Variants in ANKDD1A observed in about 807,000 individuals in gnomAD.
ANKDD1A encodes the protein ankyrin repeat and death domain-containing protein 1A.
In ANKDD1A, 59 loss-of-function variants were observed where a neutral mutation model predicts 63.5. That is an observed-to-expected ratio of 0.93 (90% CI 0.75 to 1.15). The LOEUF is 1.15. Among genes scored for constraint, ANKDD1A ranks in the 50% most tolerant of loss-of-function variants. The probability of loss-of-function intolerance (pLI) is 0.00; values close to 1 mark genes in which losing one functional copy is unlikely to be tolerated. For synonymous variants in ANKDD1A, 266 were observed against 263.9 expected (o/e 1.01, Z -0.08); for missense variants, 632 against 656.4 (o/e 0.96, Z 0.41).
chr15:64,953,538 C>CCTTCTTCCTTCTTCTTT (rs2085345128), intron 14 of ANKDD1A, among the ~76,000 whole-genome samples: 2 of 124,590 alleles, frequency 1.6e-5, no homozygotes, highest in Admixed American at 8.8e-5. Context: ...CTTCTCCTCT[C>CCTTCTTCCTTCTTCTTT]CTTCTTCCTT....
At chr15:64,954,258 T>C (rs1162473189) in intron 14 of ANKDD1A, among the ~76,000 whole-genome samples, 3 of 150,772 alleles carry the variant, frequency 2.0e-5, no homozygotes, top group Non-Finnish European at 3.0e-5. Context: ...TCTTTCTTCT[T>C]CTCCTTCTTT....
intron 1 of ANKDD1A, among the ~76,000 whole-genome samples, chr15:64,914,801 C>T (rs950983889): frequency 1.4e-5 from 2 of 139,642 alleles, no homozygotes; most frequent in African/African-American, 2.7e-5. Context: ...GTCCTCCTGG[C>T]TCAGAGACTA....
At chr15:64,921,845 C>A in intron 3 of ANKDD1A, 76 bp from the exon 4 acceptor site, 1 of 1,290,062 alleles carries the variant, frequency 7.8e-7, no homozygotes, top group South Asian at 1.2e-5. Context: ...ATGGTTTAGT[C>A]ATAAGGCACA....
intron 14 of ANKDD1A, among the ~76,000 whole-genome samples, chr15:64,953,930 TTTCTTTTC>T (rs1566749562): frequency 5.9e-4 from 4 of 6,782 alleles, no homozygotes; most frequent in Non-Finnish European, 1.7e-3. Flanking sequence ...CTTTTTCTTT[TTTCTTTTC>T]TTCCTCTTCT....
At chr15:64,941,399 C>G (rs1220450093) in intron 9 of ANKDD1A, among the ~76,000 whole-genome samples, 1 of 152,162 alleles carries the variant, frequency 6.6e-6, no homozygotes, top group Non-Finnish European at 1.5e-5. Context: ...AGTCCTAGAG[C>G]ATGGTACCAG....
intron 13 of ANKDD1A, among the ~76,000 whole-genome samples, chr15:64,948,102 TA>T (rs1173859467): frequency 6.6e-6 from 1 of 151,960 alleles, no homozygotes; most frequent in Non-Finnish European, 1.5e-5. Flanking sequence ...ATATAGAAAA[TA>T]TACTAACACC....
chr15:64,943,497 C>T lies in ANKDD1A; in HGVS notation c.980C>T (p.Pro327Leu). 1 of 1,614,134 alleles carries T rather than the reference C, an allele frequency of 6.2e-7. No individual in the cohort carries two copies. Among genetic ancestry groups the T allele is most frequent in the Admixed American group, 1.7e-5 (1 of 60,010 alleles). The change falls in exon 11 of 15, where the codon CCC becomes CTC. Residue 327 changes from proline (P) to leucine (L), a missense_variant. Physicochemically the swap from Pro to Leu is moderately conservative, Grantham distance 98. Coordinates refer to ENST00000319580, the MANE Select transcript of ANKDD1A (RefSeq NM_182703.6). Reference sequence around the variant, plus strand: ...CTTCTCCCCTAGAGGCAGCAGACGCCCCTTCACCTGGCTGCAGAGCACGCC... The same window carrying T: ...CTTCTCCCCTAGAGGCAGCAGACGCTCCTTCACCTGGCTGCAGAGCACGCC... ...VNAVDNRQQT[P>L]LHLAAEHAWQ... is the part of the protein sequence containing the mutation.
chr15:64,935,395 G>T (rs2140374607), intron 9 of ANKDD1A, among the ~76,000 whole-genome samples: 1 of 151,830 alleles, frequency 6.6e-6, no homozygotes, highest in South Asian at 2.1e-4. Flanking sequence ...GCCAGGTGTG[G>T]CCGGGTACAG....
intron 3 of ANKDD1A, among the ~76,000 whole-genome samples, chr15:64,918,106 G>A (rs2084983444): frequency 6.6e-6 from 1 of 152,250 alleles, no homozygotes; most frequent in African/African-American, 2.4e-5. Context: ...GCTCATGCCT[G>A]TAATCTCAGC....
intron 14 of ANKDD1A, among the ~76,000 whole-genome samples, 176 bp from the exon 15 acceptor site, chr15:64,956,927 G>A (rs1370567695): frequency 6.6e-6 from 1 of 152,072 alleles, no homozygotes; most frequent in Admixed American, 6.5e-5. Flanking sequence ...ATATGATAGG[G>A]AAAAAATAGA....
chr15:64,929,654 C>G (rs2085073409), intron 6 of ANKDD1A, among the ~76,000 whole-genome samples: 1 of 152,184 alleles, frequency 6.6e-6, no homozygotes, highest in Non-Finnish European at 1.5e-5. Flanking sequence ...CCCAGGGACA[C>G]ATGTCAAGCT....
At chr15:64,956,066 T>C (rs1237973703) in intron 14 of ANKDD1A, among the ~76,000 whole-genome samples, 1 of 152,054 alleles carries the variant, frequency 6.6e-6, no homozygotes, top group Non-Finnish European at 1.5e-5. Flanking sequence ...TTTCCAAGTG[T>C]TGTTATGGAA....
At chr15:64,953,086 CCTTCTTATACTTTCTTTTCTTT>C (rs1230615362) in intron 14 of ANKDD1A, among the ~76,000 whole-genome samples, 1 of 142,322 alleles carries the variant, frequency 7.0e-6, no homozygotes, top group Non-Finnish European at 1.5e-5. Context: ...TCTTCTTCTT[CCTTCTTATACTTTCTTTTCTTT>C]CTTCCGCTTT....
intron 14 of ANKDD1A, among the ~76,000 whole-genome samples, chr15:64,956,093 T>C (rs2085413884): frequency 6.6e-6 from 1 of 151,952 alleles, no homozygotes; most frequent in African/African-American, 2.4e-5. Flanking sequence ...CCAGGATAAA[T>C]TAAGTGGAAA....
chr15:64,939,259 A>G, intron 9 of ANKDD1A, among the ~76,000 whole-genome samples: 1 of 152,156 alleles, frequency 6.6e-6, no homozygotes, highest in East Asian at 1.9e-4. Flanking sequence ...TGATCTTGCC[A>G]CTGCACTCCA....
intron 14 of ANKDD1A, chr15:64,951,042 T>C: frequency 8.0e-7 from 1 of 1,249,108 alleles, no homozygotes; most frequent in South Asian, 1.3e-5. Context: ...TTCAGGCACG[T>C]GGGACCTCAG....
At chr15:64,933,974 T>C in intron 8 of ANKDD1A, 162 bp from the exon 9 acceptor site, 1 of 524,044 alleles carries the variant, frequency 1.9e-6, no homozygotes, top group African/African-American at 1.9e-5. Flanking sequence ...TTACTGGTCA[T>C]GAGACCTGGG....
chr15:64,926,484 CAG>C (rs1165605935), intron 5 of ANKDD1A, among the ~76,000 whole-genome samples: 2 of 152,114 alleles, frequency 1.3e-5, no homozygotes, highest in South Asian at 2.1e-4. Flanking sequence ...GATTGGAAAT[CAG>C]GGGTTGGAGA....
chr15:64,942,723 A>G (rs2085194634), intron 10 of ANKDD1A, among the ~76,000 whole-genome samples, 158 bp downstream of exon 10: 2 of 151,118 alleles, frequency 1.3e-5, no homozygotes, highest in Admixed American at 1.3e-4. Flanking sequence ...TAGTTGCTGA[A>G]GGGAATATCA....
Sources: gnomAD v4.1 joint callset for allele counts (sites outside exome capture counted in the v4.1 genomes callset) on GRCh38, gnomAD v4.1.1 for gene constraint, MANE v1.5 for transcripts, NCBI Gene and HGNC (gene_info 2026-07-23, HGNC 2026-07-21) for gene names.